The following POLA1 variants were observed in gnomAD, a reference collection of about 807,000 sequenced individuals.
POLA1 encodes the protein DNA polymerase alpha catalytic subunit.
POLA1 carries 15 observed loss-of-function variants against 124.0 expected under a neutral mutation model. The observed-to-expected ratio is 0.12, with a 90% confidence interval of 0.08 to 0.19. The LOEUF (loss-of-function observed/expected upper bound fraction) is 0.19. POLA1 is among the 10% of genes least tolerant of loss of function. POLA1 has a pLI of 1.00. For missense variants in POLA1, 886 were observed against 1,103.4 expected (o/e 0.80, Z 2.79); for synonymous variants, 408 against 389.4 (o/e 1.05, Z -0.56).
At chrX:24,933,734 C>G (rs904174473) in intron 36 of POLA1, among the ~76,000 whole-genome samples, 1 of 112,199 alleles carries the variant, frequency 8.9e-6, no homozygotes, top group African/African-American at 3.2e-5. Flanking sequence ...AAAACATGTA[C>G]AAATTATTTG....
At chrX:24,887,233 C>T (rs1378119603) in intron 34 of POLA1, among the ~76,000 whole-genome samples, 1 of 111,935 alleles carries the variant, frequency 8.9e-6, no homozygotes, top group East Asian at 2.8e-4. Context: ...ATTCTTATCA[C>T]ATCACTATGA....
rs751012614 is a variant in POLA1 at position 24,806,053 on chromosome X, G to GTTTTTTTTTTTTTTT, written c.2965-3803_2965-3789dup. Among the ~76,000 whole-genome samples, 4 of 35,298 alleles carry GTTTTTTTTTTTTTTT rather than the reference G, an allele frequency of 1.1e-4. 2 individuals are homozygous for GTTTTTTTTTTTTTTT. The highest frequency in any genetic ancestry group is 9.7e-4 in the Admixed American group (2 of 2,065). 30.7% of individuals were successfully genotyped at this position (35,298 alleles called of 115,157 possible). A position where few individuals can be genotyped will look rare whatever the true frequency, so the allele number is the denominator to read the frequency against. On this transcript the variant is annotated intron_variant, in intron 26 of 36. Transcript: ENST00000379068. ...TTCTAGAACATTTATGTGGTATGAGGTTTTTTTTTTTTTTTTTTTTTTTTT... is the reference window on the plus strand; with the variant it reads ...TTCTAGAACATTTATGTGGTATGAGGTTTTTTTTTTTTTTTTTTTTTTTTTTTTTTTTTTTTTTTT...
rs2047060631 is a variant in POLA1, at chrX:24,885,995, AT to A, written c.4048-2010del. Among the ~76,000 whole-genome samples, 3 of 112,319 alleles carry A rather than the reference AT, an allele frequency of 2.7e-5. No homozygotes were observed. In the Admixed American group the frequency reaches 2.8e-4, roughly 11 times the overall value. ...ATAAATGTCTCTCTAAATCAAGAAGATGTTGTAATACACCCTCAAAATTAAA... is the reference window on the plus strand; with the variant it reads ...ATAAATGTCTCTCTAAATCAAGAAGAGTTGTAATACACCCTCAAAATTAAA... On this transcript the variant is annotated intron_variant, in intron 34 of 36. Coordinates refer to ENST00000379068, the MANE Select transcript of POLA1 (RefSeq NM_001330360.2).
intron 34 of POLA1, among the ~76,000 whole-genome samples, chrX:24,859,294 A>C (rs2046687064): frequency 1.8e-5 from 2 of 111,708 alleles, no homozygotes; most frequent in African/African-American, 6.5e-5. Context: ...GGAGCACTGC[A>C]TTAGGCCCCA....
intron 36 of POLA1, among the ~76,000 whole-genome samples, chrX:24,976,767 C>T (rs1324146376): frequency 1.8e-5 from 2 of 112,080 alleles, no homozygotes; most frequent in African/African-American, 6.5e-5. Context: ...TTCCCATTTC[C>T]CAGTCTTCAA....
intron 2 of POLA1, among the ~76,000 whole-genome samples, chrX:24,701,146 T>G (rs1928390199): frequency 9.0e-6 from 1 of 111,558 alleles, no homozygotes; most frequent in Admixed American, 9.6e-5. Context: ...TAATATTAAT[T>G]GGACTATTTT....
chrX:24,908,243 T>TA (rs2047394931), intron 35 of POLA1, among the ~76,000 whole-genome samples: 1 of 111,218 alleles, frequency 9.0e-6, no homozygotes, highest in Non-Finnish European at 1.9e-5. Context: ...TACTTTCGTG[T>TA]AATTTCTTTT....
intron 10 of POLA1, among the ~76,000 whole-genome samples, chrX:24,718,393 C>A (rs1929988113): frequency 9.0e-6 from 1 of 111,514 alleles, no homozygotes; most frequent in Non-Finnish European, 1.9e-5. Flanking sequence ...GAGGTATTTG[C>A]AGAGCTGGTG....
chrX:24,950,773 C>T (rs763449724), intron 36 of POLA1, among the ~76,000 whole-genome samples: 1 of 111,890 alleles, frequency 8.9e-6, no homozygotes, highest in African/African-American at 3.2e-5. Context: ...GCATCAGAAA[C>T]ATGTAGATGA....
At chrX:24,770,687 A>G (rs112149441) in intron 26 of POLA1, among the ~76,000 whole-genome samples, 5,779 of 110,712 alleles carry the variant, frequency 0.052, 386 homozygotes, top group African/African-American at 0.18. Context: ...CCTTACCCCC[A>G]TCTCTGACCA....
At chrX:24,872,749 A>G (rs1363166493) in intron 34 of POLA1, among the ~76,000 whole-genome samples, 1 of 112,045 alleles carries the variant, frequency 8.9e-6, no homozygotes, top group African/African-American at 3.2e-5. Context: ...GGAAAAAAAT[A>G]CAGTTGATTT....
chrX:24,808,510 T>G (rs1049810092), intron 26 of POLA1, among the ~76,000 whole-genome samples: 1 of 36,310 alleles, frequency 2.8e-5, no homozygotes, highest in African/African-American at 1.7e-4. Flanking sequence ...GGGCCAGATA[T>G]TGTTTGTTTT....
At chrX:24,894,622 C>T (rs747743050) in intron 35 of POLA1, among the ~76,000 whole-genome samples, 48 of 111,811 alleles carry the variant, frequency 4.3e-4, no homozygotes, top group Non-Finnish European at 7.5e-4. Context: ...CTTCAATCTC[C>T]GCTTCTGTTG....
At chrX:24,786,681 A>ATG (rs1455838826) in intron 26 of POLA1, among the ~76,000 whole-genome samples, 3 of 63,149 alleles carry the variant, frequency 4.8e-5, no homozygotes, top group African/African-American at 2.1e-4. Flanking sequence ...GGCTTGGCTA[A>ATG]TTTTTTTTTT....
chrX:24,900,078 T>A (rs949853757), intron 35 of POLA1, among the ~76,000 whole-genome samples: 1 of 111,825 alleles, frequency 8.9e-6, no homozygotes, highest in Admixed American at 9.5e-5. Flanking sequence ...ATTGTTTTAG[T>A]GGAAGATGGA....
At chrX:24,801,918 TGG>T (rs1491570706) in intron 26 of POLA1, among the ~76,000 whole-genome samples, 4 of 76,955 alleles carry the variant, frequency 5.2e-5, no homozygotes, top group East Asian at 4.2e-4. Flanking sequence ...CTAGGAGAGG[TGG>T]GTGGGTGTGT....
chrX:24,817,607 C>CAAAAAAAAAAAA (rs1171262514), intron 30 of POLA1, among the ~76,000 whole-genome samples: 4 of 33,433 alleles, frequency 1.2e-4, no homozygotes, highest in African/African-American at 2.8e-4. Flanking sequence ...GATTCCATCT[C>CAAAAAAAAAAAA]AAAAAAAAAA....
chrX:24,736,538 G>A (rs11573355), intron 18 of POLA1, among the ~76,000 whole-genome samples: 40 of 111,847 alleles, frequency 3.6e-4, no homozygotes, highest in South Asian at 7.5e-4. Flanking sequence ...CTAGATGTAA[G>A]ATGGAATTCT....
intron 34 of POLA1, among the ~76,000 whole-genome samples, chrX:24,855,106 T>C (rs924865972): frequency 1.8e-5 from 2 of 111,206 alleles, no homozygotes; most frequent in Non-Finnish European, 3.8e-5. Flanking sequence ...TATGTACATA[T>C]AGACAAGTGT....
Sources: gnomAD v4.1 joint callset for allele counts (sites outside exome capture counted in the v4.1 genomes callset) on GRCh38, gnomAD v4.1.1 for gene constraint, MANE v1.5 for transcripts, NCBI Gene and HGNC (gene_info 2026-07-23, HGNC 2026-07-21) for gene names.